Variants in ARHGEF18 observed in about 807,000 individuals in gnomAD.
ARHGEF18 encodes the protein rho guanine nucleotide exchange factor 18.
A neutral mutation model predicts 155.7 loss-of-function variants in ARHGEF18; 93 were observed. The observed-to-expected ratio is 0.60, with a 90% confidence interval of 0.50 to 0.71. The LOEUF is 0.71. Among genes scored for constraint, ARHGEF18 ranks in the 30% least tolerant of loss-of-function variants. The probability of loss-of-function intolerance (pLI) is 0.00; values close to 1 mark genes in which losing one functional copy is unlikely to be tolerated. For synonymous variants in ARHGEF18, 742 were observed against 753.1 expected (o/e 0.99, Z 0.24); for missense variants, 1,593 against 1,816.1 (o/e 0.88, Z 2.23).
intron 2 of ARHGEF18, among the ~76,000 whole-genome samples, chr19:7,370,256 GA>G (rs1970140077): frequency 1.3e-5 from 2 of 152,118 alleles, no homozygotes; most frequent in Non-Finnish European, 2.9e-5. Context: ...AGCACTTTGG[GA>G]GGCCAAAGCG....
In ARHGEF18 at chr19:7,397,504, G is replaced by T. The variant is rs572029026; in HGVS notation, c.967+14301G>T. On this transcript the variant is annotated intron_variant, in intron 10 of 28. Coordinates refer to ENST00000668164, the MANE Select transcript of ARHGEF18 (RefSeq NM_001367823.1). ...CCCAGCACTTTGGGAGGCCCGGGGG[G>T]GGGCAGATCACGAGGTCAGGAGATT... Among the ~76,000 whole-genome samples the T allele has an allele frequency of 5.9e-5, 9 of 152,062 alleles. No homozygotes were observed. The South Asian group carries it at 1.0e-3, about 18-fold the overall frequency.
At chr19:7,416,464 A>C (rs886431426) in intron 10 of ARHGEF18, among the ~76,000 whole-genome samples, 15 of 151,278 alleles carry the variant, frequency 9.9e-5, no homozygotes, top group Non-Finnish European at 1.6e-4. Flanking sequence ...CTTCAAACGT[A>C]GTGCTGCAGT....
intron 10 of ARHGEF18, among the ~76,000 whole-genome samples, chr19:7,410,277 A>AC (rs1229696924): frequency 4.0e-5 from 6 of 150,572 alleles, no homozygotes; most frequent in African/African-American, 1.5e-4. Flanking sequence ...TGAAAGAGAA[A>AC]CCCCCGGCCT....
chr19:7,377,087 T>C (rs1448438939), intron 5 of ARHGEF18, among the ~76,000 whole-genome samples: 1 of 151,978 alleles, frequency 6.6e-6, no homozygotes, highest in Non-Finnish European at 1.5e-5. Context: ...TTTTTTTTTT[T>C]TGAGATAGAG....
rs749679794 is a variant in ARHGEF18 at position 7,440,379 on chromosome 19, T to C, written c.1003T>C (p.Ser335Pro). ...GGAGCACCCCCGGGGCACCCTCCTG[T>C]CCGATGGCAGCCCGGCCCTGTCCAG... Reference protein sequence around the residue: ...LKEHPRGTLLSDGSPALSRNV... With the variant: ...LKEHPRGTLLPDGSPALSRNV... The change falls in exon 11 of 29, where the codon TCC (serine) becomes CCC (proline). Residue 335 changes from serine to proline, a missense_variant. By Grantham distance (74) the Ser-to-Pro change is moderately conservative. Coordinates refer to ENST00000668164, the MANE Select transcript of ARHGEF18 (RefSeq NM_001367823.1). This position sits in a 1 kb window ranked among gnomAD's most constrained non-coding sequence, Gnocchi z 5.4. 3.7e-5 allele frequency: 60 copies of C among 1,611,212 alleles called. No individual in the cohort carries two copies. In the Middle Eastern group the frequency reaches 1.6e-3, roughly 44 times the overall value.
At chr19:7,382,985 G>C (rs760723093) in intron 9 of ARHGEF18, 77 bp from the exon 10 acceptor site, 89 of 1,232,344 alleles carry the variant, frequency 7.2e-5, no homozygotes, top group Non-Finnish European at 8.4e-5. Context: ...TGGGGCTGGT[G>C]GTGGGCTGGG....
At chr19:7,422,347 C>T (rs367730496) in intron 10 of ARHGEF18, among the ~76,000 whole-genome samples, 51 of 151,994 alleles carry the variant, frequency 3.4e-4, no homozygotes, top group South Asian at 6.2e-4. Flanking sequence ...GCCCAGCTCC[C>T]GCCCATGCCC....
At chr19:7,442,078 T>TCACAC in intron 13 of ARHGEF18, 26 bp downstream of exon 13, 1 of 1,612,516 alleles carries the variant, frequency 6.2e-7, no homozygotes, top group Non-Finnish European at 8.5e-7. Context: ...CCCTGTGCCA[T>TCACAC]CACACCGGCC....
At chr19:7,363,501 A>C (rs1294758256) in intron 2 of ARHGEF18, among the ~76,000 whole-genome samples, 7 of 151,760 alleles carry the variant, frequency 4.6e-5, no homozygotes, top group Admixed American at 4.6e-4. Context: ...TGAATGAAAG[A>C]GTAGAAAGGT....
At chr19:7,422,172 A>T (rs1229998773) in intron 10 of ARHGEF18, among the ~76,000 whole-genome samples, 1 of 151,806 alleles carries the variant, frequency 6.6e-6, no homozygotes, top group Non-Finnish European at 1.5e-5. Context: ...ATCACTGGTT[A>T]CCTCTGTAAT....
intron 1 of ARHGEF18, among the ~76,000 whole-genome samples, chr19:7,351,107 A>T (rs572175974): frequency 6.6e-6 from 1 of 151,892 alleles, no homozygotes; most frequent in African/African-American, 2.4e-5. Context: ...CTCAGCCTTT[A>T]TGAAGTTTGG....
intron 10 of ARHGEF18, among the ~76,000 whole-genome samples, chr19:7,384,692 A>AC (rs1555704050): frequency 7.1e-6 from 1 of 141,548 alleles, no homozygotes; most frequent in East Asian, 2.1e-4. Context: ...TTTTTGCAAA[A>AC]TTTTTTTTTT....
Position 7,471,610 on chromosome 19 carries a change from T to C in ARHGEF18, c.*1312T>C, listed in dbSNP as rs1322036134. The C allele has an allele frequency of 6.6e-6, 1 of 152,216 alleles. No individual in the cohort carries two copies. Among genetic ancestry groups the C allele is most frequent in the Non-Finnish European group, 1.5e-5 (1 of 68,108 alleles). The allele number at this position is 152,216 out of a possible 1,614,324, so 9.4% of individuals were successfully genotyped here. A position where few individuals can be genotyped will look rare whatever the true frequency, so the allele number is the denominator to read the frequency against. ...AGATCCCGGGGGGATTCAGCCCTTCTCCCACTGTGCTGGCAGAGGCACTCC... is the reference window on the plus strand; with the variant it reads ...AGATCCCGGGGGGATTCAGCCCTTCCCCCACTGTGCTGGCAGAGGCACTCC... On this transcript the variant is annotated 3_prime_UTR_variant, in exon 29 of 29. Transcript: ENST00000668164. The surrounding 1 kb of genome is among the most constrained non-coding windows in gnomAD (Gnocchi z 4.4).
intron 10 of ARHGEF18, among the ~76,000 whole-genome samples, chr19:7,425,686 A>G (rs8112164): frequency 0.53 from 76,928 of 146,000 alleles, 20,346 homozygotes; most frequent in Middle Eastern, 0.74. Context: ...CGTCTCAAAA[A>G]AAAAAAAAAA....
chr19:7,433,371 G>A (rs1421278930), intron 10 of ARHGEF18, among the ~76,000 whole-genome samples: 3 of 151,876 alleles, frequency 2.0e-5, no homozygotes, highest in African/African-American at 7.3e-5. Context: ...GGAGGCTGAG[G>A]CAGGAGAATC....
intron 10 of ARHGEF18, among the ~76,000 whole-genome samples, chr19:7,425,499 T>A (rs955099292): frequency 6.6e-6 from 1 of 151,222 alleles, no homozygotes; most frequent in African/African-American, 2.4e-5. Context: ...CTGGCCAACA[T>A]GGTGACACCC....
chr19:7,451,402 T>A, intron 16 of ARHGEF18, 136 bp downstream of exon 16: 1 of 586,480 alleles, frequency 1.7e-6, no homozygotes, highest in Non-Finnish European at 2.8e-6. Flanking sequence ...TGGGGTTCCT[T>A]CCTTTTTTTT....
At chr19:7,405,481 G>A (rs2145589788) in intron 10 of ARHGEF18, among the ~76,000 whole-genome samples, 1 of 152,246 alleles carries the variant, frequency 6.6e-6, no homozygotes, top group Non-Finnish European at 1.5e-5. Context: ...AATGACCTCT[G>A]CCCCAGGCTC....
chr19:7,402,852 A>G (rs1972089978), intron 10 of ARHGEF18, among the ~76,000 whole-genome samples: 1 of 152,178 alleles, frequency 6.6e-6, no homozygotes, highest in Non-Finnish European at 1.5e-5. Flanking sequence ...GCCTCGGAGC[A>G]GGTATAGCCC....
Sources: allele counts gnomAD v4.1 joint callset (sites outside exome capture counted in the v4.1 genomes callset), GRCh38; gene constraint gnomAD v4.1.1; non-coding constraint Gnocchi (gnomAD v3.1); transcripts MANE v1.5; gene names NCBI Gene and HGNC (gene_info 2026-07-23, HGNC 2026-07-21).